STAC3: variants seen among roughly 807,000 people sequenced by gnomAD.
STAC3 encodes SH3 and cysteine-rich domain-containing protein 3.
STAC3 carries 30 observed loss-of-function variants against 48.5 expected under a neutral mutation model. The observed-to-expected ratio is 0.62, with a 90% confidence interval of 0.46 to 0.84. The LOEUF (loss-of-function observed/expected upper bound fraction) is 0.84. Ranked by LOEUF, STAC3 falls within the 40% of genes least tolerant of loss-of-function variation. STAC3 has a pLI of 0.00. For synonymous variants in STAC3, 144 were observed against 158.6 expected, an observed-to-expected ratio of 0.91 and a Z score of 0.69; for missense variants, 419 against 462.6, an observed-to-expected ratio of 0.91 and a Z score of 0.86.
At chr12:57,244,264 G>T in intron 10 of STAC3, 39 bp from the exon 11 acceptor site, 1 of 1,614,110 alleles carries the variant, frequency 6.2e-7, no homozygotes, top group South Asian at 1.1e-5. Flanking sequence ...TCTCAATGTC[G>T]GGTTCTGGAC....
chr12:57,244,259 A>G lies in STAC3; in HGVS notation c.859-34T>C, dbSNP rs763509779. On this transcript the variant is annotated intron_variant, in intron 10 of 11. Coordinates refer to ENST00000332782, the MANE Select transcript of STAC3 (RefSeq NM_145064.3). ...GATAGTAGGGAGAGTCCATCTCTCAATGTCGGGTTCTGGACTCAACCCACA... is the reference window on the plus strand; with the variant it reads ...GATAGTAGGGAGAGTCCATCTCTCAGTGTCGGGTTCTGGACTCAACCCACA... 6.2e-6 allele frequency: 10 copies of G among 1,614,022 alleles called. No homozygotes were observed. In the Middle Eastern group the frequency reaches 4.9e-4, roughly 80 times the overall value.
chr12:57,246,796 G>A lies in STAC3; in HGVS notation c.603+8C>T. ...GGGAGGGACCTCGTGGGGAGGTACA[G>A]TGCTCACATTTTTCTTATCTGCCTG... On this transcript the variant is annotated splice_region_variant and intron_variant, in intron 6 of 11. Transcript: ENST00000332782. The A allele has an allele frequency of 6.2e-7, 1 of 1,613,024 alleles. No individual in the cohort carries two copies. Among genetic ancestry groups the A allele is most frequent in the South Asian group, 1.1e-5 (1 of 91,068 alleles).
At position 57,248,132 on chromosome 12, in the gene STAC3, C is replaced by CT; in HGVS notation, c.498dup (p.Asp167ArgfsTer9). 1 of 1,613,708 alleles carries CT rather than the reference C, an allele frequency of 6.2e-7. No individual in the cohort carries two copies. The highest frequency in any genetic ancestry group is 8.5e-7 in the Non-Finnish European group (1 of 1,179,628). On this transcript the variant is annotated frameshift_variant, in exon 5 of 12. Coordinates refer to ENST00000332782, the MANE Select transcript of STAC3 (RefSeq NM_145064.3). LOFTEE classifies it high-confidence loss of function. ...TTCCATAAAGGGCACTTACAGAGAT[C>CT]TTTGACACAAGCGTACTGCTGGTTG...
rs1003895747 is a variant in STAC3 at position 57,249,021 on chromosome 12, C to T, written c.334+20G>A. 1 of 1,573,694 alleles carries T rather than the reference C, an allele frequency of 6.4e-7. No homozygotes were observed. Among genetic ancestry groups the T allele is most frequent in the African/African-American group, 1.4e-5 (1 of 73,984 alleles). ...TCTGCCTTCAATATCATACTCTCTT[C>T]ACTTCCCTTCATGACTCACGAACAA... is the stretch of plus-strand genomic sequence containing the variant. On this transcript the variant is annotated intron_variant, in intron 3 of 11. Transcript: ENST00000332782.
At chr12:57,247,144 T>C (rs571295052) in intron 5 of STAC3, among the ~76,000 whole-genome samples, 2 of 152,276 alleles carry the variant, frequency 1.3e-5, no homozygotes, top group African/African-American at 4.8e-5. Flanking sequence ...TTAGAACTCC[T>C]TCCAGGCAGA....
chr12:57,249,877 T>C (rs2037860416), intron 1 of STAC3: 5 of 447,486 alleles, frequency 1.1e-5, no homozygotes, highest in Non-Finnish European at 2.0e-5. Flanking sequence ...TACCTCAGCT[T>C]CCTGAGTAGC....
rs774700155 is a variant in STAC3, at chr12:57,248,162, A to G, written c.469T>C (p.Tyr157His). Residue 157 changes from tyrosine (Y) to histidine (H), a missense_variant, in exon 5 of 12, where the codon TAC becomes CAC. Tyr to His is a moderately conservative substitution (Grantham distance 83). Coordinates refer to ENST00000332782, the MANE Select transcript of STAC3 (RefSeq NM_145064.3). ...GFHRAYSSPL[Y>H]SNQQYACVKD... ...ACACAAGCGTACTGCTGGTTGCTGT[A>G]GAGTGGGGAACTATAGGCCCGATGG... 1 of 1,614,152 alleles carries G rather than the reference A, an allele frequency of 6.2e-7. No individual in the cohort carries two copies. The highest frequency in any genetic ancestry group is 1.1e-5 in the South Asian group (1 of 91,084).
chr12:57,247,416 ATTATTATTATTATTTTTT>A (rs2037768360), intron 5 of STAC3, among the ~76,000 whole-genome samples: 3 of 47,990 alleles, frequency 6.3e-5, no homozygotes, highest in South Asian at 5.8e-4. Flanking sequence ...TATTATTATT[ATTATTATTATTATTTTTT>A]TTTTTTTTTT....
chr12:57,248,771 A>C lies in STAC3; in HGVS notation c.367T>G (p.Cys123Gly). 6.2e-7 allele frequency: 1 copy of C among 1,614,134 alleles called. No individual in the cohort carries two copies. Reference protein sequence around the residue: ...NNKFGLRCKNCKTNIHEHCQS... With the variant: ...NNKFGLRCKNGKTNIHEHCQS... ...CAGTGTTCATGGATGTTGGTTTTGC[A>C]GTTCTTACAGCGAAGCCCAAACTTG... The change falls in exon 4 of 12, where the codon TGC (cysteine) becomes GGC (glycine). Residue 123 changes from cysteine (C) to glycine (G), a missense_variant. Cys to Gly is a radical substitution (Grantham distance 159). Transcript: ENST00000332782.
intron 6 of STAC3, among the ~76,000 whole-genome samples, chr12:57,246,109 C>CAAAAAAAAAA (rs71084732): frequency 1.2e-5 from 1 of 80,274 alleles, no homozygotes; most frequent in Non-Finnish European, 2.4e-5. Flanking sequence ...AACTCTATCT[C>CAAAAAAAAAA]AAAAAAAAAA....
In STAC3 at chr12:57,249,239, G is replaced by A; in HGVS notation, c.136C>T (p.Pro46Ser). 1.2e-6 allele frequency: 2 copies of A among 1,613,980 alleles called. No homozygotes were observed. The highest frequency in any genetic ancestry group is 3.3e-5 in the Admixed American group (2 of 59,998). Residue 46 changes from proline (P) to serine (S), a missense_variant, in exon 3 of 12, where the codon CCC becomes TCC. Pro to Ser is a moderately conservative substitution (Grantham distance 74). Transcript: ENST00000332782. Reference protein sequence around the residue: ...GTKEMELPPEPQANGEAVGAG... With the variant: ...GTKEMELPPESQANGEAVGAG... ...CCCACTGCCTCCCCATTGGCCTGGG[G>A]CTCTGGGGGAAGTTCCATCTCCTTT...
chr12:57,246,391 C>CT (rs35690784), intron 6 of STAC3, among the ~76,000 whole-genome samples: 58,599 of 136,692 alleles, frequency 0.43, 13,150 homozygotes, highest in South Asian at 0.56. Flanking sequence ...TCCTTCCTTC[C>CT]TTTTTTTTTT....
At chr12:57,244,066 T>G in intron 11 of STAC3, 22 bp downstream of exon 11, 3 of 1,613,984 alleles carry the variant, frequency 1.9e-6, no homozygotes. Context: ...AGGCCTGGGA[T>G]TGGGTTGGGG....
chr12:57,249,125 G>A lies in STAC3; in HGVS notation c.250C>T (p.Leu84=), dbSNP rs1251594079. 4 of 1,613,946 alleles carry A rather than the reference G, an allele frequency of 2.5e-6. No homozygotes were observed. The East Asian group carries it at 8.9e-5, about 36-fold the overall frequency. The change falls in exon 3 of 12, where the codon CTG becomes TTG. Residue 84 remains leucine, a synonymous_variant. Transcript: ENST00000332782. ...EEEPPPEPPK[L]VNDKPHKFKD... is the part of the protein sequence containing the mutation. ...AATTTGTGGGGCTTATCGTTGACCA[G>A]CTTAGGAGGTTCTGGGGGTGGCTCC...
In STAC3 at chr12:57,249,601, G is replaced by A; in HGVS notation, c.36C>T (p.Pro12=). The A allele has an allele frequency of 6.2e-7, 1 of 1,614,094 alleles. No individual in the cohort carries two copies. Among genetic ancestry groups the A allele is most frequent in the African/African-American group, 1.3e-5 (1 of 75,044 alleles). The change falls in exon 2 of 12, where the codon CCC becomes CCT. Residue 12 remains proline, a synonymous_variant. Transcript: ENST00000332782. ...TEKEVLESPK[P]SFPAETRQSG... Reference sequence around the variant, plus strand: ...TTTGCCGAGTCTCTGCTGGGAAGGAGGGCTTAGGGGACTCCAGCACCTCCT... The same window carrying A: ...TTTGCCGAGTCTCTGCTGGGAAGGAAGGCTTAGGGGACTCCAGCACCTCCT...
In STAC3 at chr12:57,248,255, A is replaced by C. The variant is rs376751389; in HGVS notation, c.433-57T>G. The C allele has an allele frequency of 1.4e-4, 197 of 1,402,108 alleles. 1 individual carries two copies. The highest frequency in any genetic ancestry group is 1.6e-4 in the Non-Finnish European group (161 of 987,650). 86.9% of individuals were successfully genotyped at this position (1,402,108 alleles called of 1,614,324 possible). A position where few individuals can be genotyped will look rare whatever the true frequency, so the allele number is the denominator to read the frequency against. On this transcript the variant is annotated intron_variant, in intron 4 of 11. Coordinates refer to ENST00000332782, the MANE Select transcript of STAC3 (RefSeq NM_145064.3). ...GTAGCAAAGTAAGGTCCAGAAGCCT[A>C]TCTCTCCCAGGAGTGCTCACCCTTT...
At chr12:57,245,259 C>T (rs2136824766) in intron 6 of STAC3, 48 bp from the exon 7 acceptor site, 2 of 1,541,180 alleles carry the variant, frequency 1.3e-6, no homozygotes, top group East Asian at 2.2e-5. Flanking sequence ...GGAACACATG[C>T]CCTGGCTGTC....
chr12:57,247,419 A>ATTTTTTTTT lies in STAC3; in HGVS notation c.506-519_506-518insAAAAAAAAA, dbSNP rs1360362639. 1.7e-4 allele frequency among the ~76,000 whole-genome samples: 15 copies of ATTTTTTTTT among 88,670 alleles called. 2 individuals are homozygous for ATTTTTTTTT. Among genetic ancestry groups the ATTTTTTTTT allele is most frequent in the African/African-American group, 5.8e-4 (12 of 20,540 alleles). The allele number at this position is 88,670 out of a possible 152,430, so 58.2% of individuals were successfully genotyped here. ...GGGTTGCCAAATTATTATTATTATT[A>ATTTTTTTTT]TTATTATTATTTTTTTTTTTTTTTT... On this transcript the variant is annotated intron_variant, in intron 5 of 11. Transcript: ENST00000332782.
intron 8 of STAC3, 137 bp from the exon 9 acceptor site, chr12:57,244,759 G>T: frequency 7.3e-7 from 1 of 1,371,408 alleles, no homozygotes; most frequent in Non-Finnish European, 1.0e-6. Flanking sequence ...GAAGTGTTTT[G>T]GTCGTGGGTG....
Sources: gnomAD v4.1 joint callset for allele counts (sites outside exome capture counted in the v4.1 genomes callset) on GRCh38, gnomAD v4.1.1 for gene constraint, MANE v1.5 for transcripts, NCBI Gene and HGNC (gene_info 2026-07-23, HGNC 2026-07-21) for gene names.